DENND5B: variants seen among roughly 807,000 people sequenced by gnomAD.
The protein encoded by DENND5B is DENN domain containing 5B.
DENND5B carries 34 observed loss-of-function variants against 140.6 expected under a neutral mutation model. The observed-to-expected ratio is 0.24, with a 90% confidence interval of 0.18 to 0.32. The LOEUF (loss-of-function observed/expected upper bound fraction) is 0.32. Ranked by LOEUF, DENND5B falls within the 10% of genes least tolerant of loss-of-function variation. The pLI is 1.00. For missense variants in DENND5B, 1,142 were observed against 1,560.2 expected (o/e 0.73, Z 4.52); for synonymous variants, 551 against 562.1 (o/e 0.98, Z 0.28).
At chr12:31,549,009 C>A (rs1948950345) in intron 1 of DENND5B, among the ~76,000 whole-genome samples, 1 of 152,150 alleles carries the variant, frequency 6.6e-6, no homozygotes, top group Non-Finnish European at 1.5e-5. Flanking sequence ...GATCCTCCTG[C>A]CTTAGCCTCC....
At chr12:31,512,835 T>C (rs1024746329) in intron 1 of DENND5B, among the ~76,000 whole-genome samples, 3 of 148,744 alleles carry the variant, frequency 2.0e-5, no homozygotes, top group African/African-American at 5.2e-5. Flanking sequence ...AGTTTCCACA[T>C]ACCCTAAAAC....
At chr12:31,401,904 C>T (rs1941815148) in intron 15 of DENND5B, among the ~76,000 whole-genome samples, 1 of 152,098 alleles carries the variant, frequency 6.6e-6, no homozygotes, top group South Asian at 2.1e-4. Context: ...AGATTATAGG[C>T]ATGAGTCACT....
intron 1 of DENND5B, among the ~76,000 whole-genome samples, chr12:31,545,156 A>G (rs1298606819): frequency 6.6e-6 from 1 of 152,204 alleles, no homozygotes; most frequent in Non-Finnish European, 1.5e-5. Flanking sequence ...AGAATCCAAA[A>G]AAACTAAAAA....
At chr12:31,476,033 C>T (rs2682690) in intron 3 of DENND5B, among the ~76,000 whole-genome samples, 11,861 of 151,374 alleles carry the variant, frequency 0.078, 1,057 homozygotes, top group African/African-American at 0.22. Flanking sequence ...GGCTGAGGCA[C>T]GAGAATCGCT....
chr12:31,548,186 G>C (rs1477271830), intron 1 of DENND5B, among the ~76,000 whole-genome samples: 2 of 151,974 alleles, frequency 1.3e-5, no homozygotes, highest in African/African-American at 2.4e-5. Context: ...GAGCGCAGAA[G>C]TTCAAGACCA....
intron 1 of DENND5B, among the ~76,000 whole-genome samples, chr12:31,506,063 G>GGCT (rs1947188438): frequency 1.3e-5 from 2 of 151,714 alleles, no homozygotes; most frequent in Non-Finnish European, 2.9e-5. Context: ...TGAACCCCTG[G>GGCT]GCTCAAGTGA....
intron 1 of DENND5B, among the ~76,000 whole-genome samples, chr12:31,533,142 T>C (rs1948347915): frequency 6.6e-6 from 1 of 152,192 alleles, no homozygotes. Context: ...AGCTATTAAA[T>C]ATTGTTAAAA....
intron 2 of DENND5B, among the ~76,000 whole-genome samples, chr12:31,489,442 A>G (rs1272580886): frequency 6.6e-6 from 1 of 152,198 alleles, no homozygotes; most frequent in African/African-American, 2.4e-5. Flanking sequence ...AGTTACCAAA[A>G]AAATGTGATC....
At chr12:31,511,195 C>T (rs1429759241) in intron 1 of DENND5B, among the ~76,000 whole-genome samples, 3 of 152,092 alleles carry the variant, frequency 2.0e-5, no homozygotes, top group East Asian at 1.9e-4. Flanking sequence ...GCTGTGACTG[C>T]ACCACTGTAC....
intron 11 of DENND5B, 91 bp downstream of exon 11, chr12:31,423,506 G>T: frequency 1.5e-6 from 2 of 1,318,730 alleles, no homozygotes; most frequent in Non-Finnish European, 2.1e-6. Flanking sequence ...GTAAATTTTA[G>T]CTTGAGAGAG....
chr12:31,480,267 A>G lies in DENND5B; in HGVS notation c.238-12T>C. On this transcript the variant is annotated splice_polypyrimidine_tract_variant and intron_variant, in intron 2 of 20. Transcript: ENST00000389082. ...TTAGGCATGCACAACTGTGAAAGAA[A>G]GAAAAAAAAAAATCAGAATGCAGTA... 3.4e-6 allele frequency: 5 copies of G among 1,480,684 alleles called. No individual in the cohort carries two copies. The highest frequency in any genetic ancestry group is 4.5e-6 in the Non-Finnish European group (5 of 1,119,588). The allele number at this position is 1,480,684 out of a possible 1,614,324, so 91.7% of individuals were successfully genotyped here.
Position 31,459,585 on chromosome 12 carries a change from G to A in DENND5B, c.1092+609C>T, listed in dbSNP as rs2568886. ...TTACAAGCGCTTGTAATCCCACCAC[G>A]CCTGGCCTATTTTTTTAAACATTTG... On this transcript the variant is annotated intron_variant, in intron 4 of 20. Coordinates refer to ENST00000389082, the MANE Select transcript of DENND5B (RefSeq NM_144973.4). 1.2e-4 allele frequency among the ~76,000 whole-genome samples: 18 copies of A among 152,044 alleles called. No homozygotes were observed. In the South Asian group the frequency reaches 3.8e-3, roughly 32 times the overall value.
At chr12:31,392,169 T>C (rs708218) in intron 19 of DENND5B, 98 bp downstream of exon 19, 1,258,967 of 1,296,880 alleles carry the variant, frequency 0.97, 612,164 homozygotes, top group East Asian at 0.99. Flanking sequence ...AATATATATA[T>C]CCTTATCACT....
intron 3 of DENND5B, among the ~76,000 whole-genome samples, chr12:31,473,867 C>T (rs1258845679): frequency 6.6e-6 from 1 of 152,198 alleles, no homozygotes; most frequent in East Asian, 1.9e-4. Context: ...GAGATTCTCA[C>T]ATATAGGGAG....
At chr12:31,499,609 A>C in intron 1 of DENND5B, 1 of 1,494,054 alleles carries the variant, frequency 6.7e-7, no homozygotes, top group Non-Finnish European at 8.9e-7. Flanking sequence ...TTTTTACCTG[A>C]AGTCGTATTT....
intron 1 of DENND5B, among the ~76,000 whole-genome samples, chr12:31,583,308 A>AAAGAG: frequency 6.9e-6 from 1 of 145,492 alleles, no homozygotes; most frequent in African/African-American, 2.5e-5. Context: ...AAAAAAAAAA[A>AAAGAG]AGAGAGAGAG....
intron 1 of DENND5B, among the ~76,000 whole-genome samples, chr12:31,527,258 T>TG (rs1353410127): frequency 6.6e-6 from 1 of 152,058 alleles, no homozygotes; most frequent in Non-Finnish European, 1.5e-5. Context: ...AAAAGATCCT[T>TG]GGGGGGAAGA....
At chr12:31,560,483 T>C (rs1469542843) in intron 1 of DENND5B, among the ~76,000 whole-genome samples, 1 of 152,198 alleles carries the variant, frequency 6.6e-6, no homozygotes, top group African/African-American at 2.4e-5. Context: ...CATCCCTTAC[T>C]TAAATTACTG....
intron 1 of DENND5B, among the ~76,000 whole-genome samples, chr12:31,562,808 G>A (rs1949519781): frequency 6.6e-6 from 1 of 152,034 alleles, no homozygotes; most frequent in South Asian, 2.1e-4. Context: ...AATTACTTCA[G>A]TGACAAGACT....
Sources: allele counts gnomAD v4.1 joint callset (sites outside exome capture counted in the v4.1 genomes callset), GRCh38; gene constraint gnomAD v4.1.1; transcripts MANE v1.5; gene names NCBI Gene and HGNC (gene_info 2026-07-23, HGNC 2026-07-21).